TPH1: variants seen among roughly 807,000 people sequenced by gnomAD.
TPH1 encodes tryptophan 5-hydroxylase 1.
Under a neutral mutation model 49.5 loss-of-function variants are expected in TPH1, and 37 were observed. The observed-to-expected ratio is 0.75, with a 90% CI of 0.58 to 0.98. TPH1 has a LOEUF of 0.98. Among genes scored for constraint, TPH1 ranks in the 50% least tolerant of loss-of-function variants. TPH1 has a pLI of 0.00. For synonymous variants in TPH1, 160 were observed against 182.1 expected, an observed-to-expected ratio of 0.88 and a Z score of 0.98; for missense variants, 487 against 523.6, an observed-to-expected ratio of 0.93 and a Z score of 0.68.
intron 2 of TPH1, 103 bp from the exon 3 acceptor site, chr11:18,036,245 C>T (rs1280422280): frequency 1.2e-6 from 1 of 852,884 alleles, no homozygotes; most frequent in Non-Finnish European, 1.9e-6. Context: ...TCACACTTCT[C>T]AGAACAGCAA....
intron 8 of TPH1, among the ~76,000 whole-genome samples, chr11:18,025,116 A>G (rs1387863376): frequency 6.6e-6 from 1 of 152,242 alleles, no homozygotes; most frequent in Admixed American, 6.5e-5. Context: ...TTTCCAGCAC[A>G]GTGTCTTGTA....
At chr11:18,029,685 C>T (rs1476642737) in intron 4 of TPH1, 106 bp from the exon 5 acceptor site, 1 of 873,248 alleles carries the variant, frequency 1.1e-6, no homozygotes, top group African/African-American at 1.7e-5. Context: ...TAAAGGGCTA[C>T]ATAATTGATA....
chr11:18,040,750 T>C lies in TPH1; in HGVS notation c.13A>G (p.Asn5Asp), dbSNP rs760646862. 1 of 1,612,378 alleles carries C rather than the reference T, an allele frequency of 6.2e-7. No homozygotes were observed. Among genetic ancestry groups the C allele is most frequent in the East Asian group, 2.2e-5 (1 of 44,796 alleles). ...AAGGAATGGTCTTTGTTCTCCTTAT[T>C]GTCTTCAATCATGATGAATTTGGAG... is the stretch of plus-strand genomic sequence containing the variant. MIED[N>D]KENKDHSLER... The change falls in exon 2 of 11, where the codon AAT (asparagine) becomes GAT (aspartate). Residue 5 changes from asparagine to aspartate, a missense_variant. Transcript: ENST00000682019.
rs1854348574 is a variant in TPH1, at chr11:18,020,673, G to A, written c.*318C>T. 2 of 300,640 alleles carry A rather than the reference G, an allele frequency of 6.7e-6. No homozygotes were observed. 18.6% of individuals were successfully genotyped at this position (300,640 alleles called of 1,614,324 possible). ...AGGAGGATTGGGGAAAATAGAGTTA[G>A]GCTGAGATTAGATCTATCTATTGGG... On this transcript the variant is annotated 3_prime_UTR_variant, in exon 11 of 11. Coordinates refer to ENST00000682019, the MANE Select transcript of TPH1 (RefSeq NM_004179.3).
At position 18,021,142 on chromosome 11, in the gene TPH1, C is replaced by T. The variant is rs570648870; in HGVS notation, c.1184G>A (p.Arg395His). The T allele has an allele frequency of 5.8e-5, 94 of 1,613,932 alleles. 1 individual carries two copies. In the South Asian group the frequency reaches 7.2e-4, roughly 12 times the overall value. The change falls in exon 11 of 11, where the codon CGT becomes CAT. Residue 395 changes from arginine (R) to histidine (H), a missense_variant. Transcript: ENST00000682019. ...TGGATTATACTTCACTCCAAATGGA[C>T]GCTTAATTGTTTTGGTAAATTCTCT... Reference protein sequence around the residue: ...KMREFTKTIKRPFGVKYNPYT... With the variant: ...KMREFTKTIKHPFGVKYNPYT...
At chr11:18,045,775 C>G (rs181225748) in intron 1 of TPH1, among the ~76,000 whole-genome samples, 211 of 152,100 alleles carry the variant, frequency 1.4e-3, no homozygotes, top group African/African-American at 4.9e-3. Flanking sequence ...GAGACTCCTT[C>G]TTCTTCGGGA....
In TPH1 at chr11:18,033,431, TAAAC is replaced by T. The variant is rs150023130; in HGVS notation, c.302-61_302-58del. The stretch of plus-strand genomic sequence containing the variant: ...CCAGTAAAAGTTGAAGAGATAATCT[TAAAC>T]AAGACAATAAAGAAGATAAAATTAA... On this transcript the variant is annotated intron_variant, in intron 3 of 10. Transcript: ENST00000682019. 5.2e-3 allele frequency: 6,692 copies of T among 1,277,008 alleles called. 260 individuals carry two copies. The African/African-American group carries it at 0.088, about 17-fold the overall frequency. The allele number at this position is 1,277,008 out of a possible 1,614,324, so 79.1% of individuals were successfully genotyped here.
Position 18,029,199 on chromosome 11 carries a change from G to T in TPH1, c.633C>A (p.Ile211=). Residue 211 remains isoleucine (I), a synonymous_variant, in exon 6 of 11, where the codon ATC becomes ATA. Transcript: ENST00000682019. ...SKYCGYREDN[I]PQLEDVSNFL... The stretch of plus-strand genomic sequence containing the variant: ...AGTTGGAGACATCTTCCAATTGTGG[G>T]ATATTATCCTCCCGATATCCACAAT... 2 of 1,613,674 alleles carry T rather than the reference G, an allele frequency of 1.2e-6. No homozygotes were observed. Among genetic ancestry groups the T allele is most frequent in the Non-Finnish European group, 1.7e-6 (2 of 1,179,808 alleles).
chr11:18,040,567 A>G, intron 2 of TPH1, 79 bp downstream of exon 2: 4 of 1,380,414 alleles, frequency 2.9e-6, no homozygotes, highest in Non-Finnish European at 4.0e-6. Flanking sequence ...GGGTCTTGCT[A>G]TGTTGCCCTA....
In TPH1 at chr11:18,018,642, G is replaced by A. The variant is rs1277374693; in HGVS notation, c.*2349C>T. 1.7e-5 allele frequency: 2 copies of A among 117,480 alleles called. No individual in the cohort carries two copies. Among genetic ancestry groups the A allele is most frequent in the Non-Finnish European group, 1.6e-5 (1 of 62,082 alleles). The allele number at this position is 117,480 out of a possible 1,614,324, so 7.3% of individuals were successfully genotyped here. A position where few individuals can be genotyped will look rare whatever the true frequency, so the allele number is the denominator to read the frequency against. On this transcript the variant is annotated 3_prime_UTR_variant, in exon 11 of 11. Transcript: ENST00000682019. The stretch of plus-strand genomic sequence containing the variant: ...GATCGCACCACTGCACTCCAGCCTG[G>A]GCGACAGAGCAAGACTCCGTCTCAA...
At chr11:18,038,903 T>C (rs181196174) in intron 2 of TPH1, among the ~76,000 whole-genome samples, 103 of 152,120 alleles carry the variant, frequency 6.8e-4, no homozygotes, top group African/African-American at 2.4e-3. Context: ...TTGGAAGGAC[T>C]GGGAGAGGGA....
At chr11:18,033,607 A>C (rs1848014923) in intron 3 of TPH1, among the ~76,000 whole-genome samples, 1 of 152,170 alleles carries the variant, frequency 6.6e-6, no homozygotes. Context: ...TTGATGTCTA[A>C]GTTTTGGAGA....
At chr11:18,026,425 T>G in intron 7 of TPH1, 65 bp downstream of exon 7, 7 of 780,864 alleles carry the variant, frequency 9.0e-6, no homozygotes, top group Non-Finnish European at 1.2e-5. Context: ...AAAGAACCCA[T>G]AAGGTAGATG....
chr11:18,034,605 T>C (rs1278731823), intron 3 of TPH1, among the ~76,000 whole-genome samples: 1 of 152,112 alleles, frequency 6.6e-6, no homozygotes, highest in Non-Finnish European at 1.5e-5. Flanking sequence ...TGGAGATATA[T>C]CAGTATTTTA....
chr11:18,023,761 A>G, intron 9 of TPH1, 127 bp downstream of exon 9: 1 of 682,812 alleles, frequency 1.5e-6, no homozygotes, highest in Admixed American at 2.3e-5. Context: ...AAATACATTC[A>G]GGTAATGATT....
intron 1 of TPH1, among the ~76,000 whole-genome samples, chr11:18,042,844 T>C (rs1176114157): frequency 6.6e-6 from 1 of 152,250 alleles, no homozygotes. Flanking sequence ...GGTTAACATA[T>C]TTCTTACAAT....
In TPH1 at chr11:18,035,949, T is replaced by G. The variant is rs1848044528; in HGVS notation, c.301+10A>C. 3 of 1,606,632 alleles carry G rather than the reference T, an allele frequency of 1.9e-6. No homozygotes were observed. The highest frequency in any genetic ancestry group is 2.6e-6 in the Non-Finnish European group (3 of 1,175,600). On this transcript the variant is annotated intron_variant, in intron 3 of 10. Transcript: ENST00000682019. ...ATCTTCTAAGTAGTATTTTCACATT[T>G]TGAACTTACCATCTTCCTTCAAAGT...
At chr11:18,026,705 A>C in intron 6 of TPH1, 80 bp from the exon 7 acceptor site, 1 of 1,532,544 alleles carries the variant, frequency 6.5e-7, no homozygotes, top group Non-Finnish European at 9.0e-7. Flanking sequence ...TGCTAGTGGC[A>C]CCAAGTAACA....
chr11:18,027,939 T>A (rs903763285), intron 6 of TPH1, among the ~76,000 whole-genome samples: 3 of 152,218 alleles, frequency 2.0e-5, no homozygotes, highest in African/African-American at 7.2e-5. Flanking sequence ...AGGAGTTAAA[T>A]AGATATGTAG....
Sources: allele counts gnomAD v4.1 joint callset (sites outside exome capture counted in the v4.1 genomes callset), GRCh38; gene constraint gnomAD v4.1.1; transcripts MANE v1.5; gene names NCBI Gene and HGNC (gene_info 2026-07-23, HGNC 2026-07-21).